Variants in HECW1 observed in about 807,000 individuals in gnomAD.
HECW1 encodes the protein HECT, C2 and WW domain containing E3 ubiquitin protein ligase 1.
HECW1 carries 61 observed loss-of-function variants against 182.3 expected under a neutral mutation model. The ratio of observed to expected loss-of-function variants is 0.33; its 90% CI spans 0.27 to 0.41. The LOEUF is 0.41. Among genes scored for constraint, HECW1 ranks in the 10% least tolerant of loss-of-function variants. The pLI is 1.00. For synonymous variants in HECW1, 859 were observed against 832.6 expected, an observed-to-expected ratio of 1.03 and a Z score of -0.55; for missense variants, 1,739 against 2,108.9, an observed-to-expected ratio of 0.82 and a Z score of 3.44.
intron 4 of HECW1, 42 bp downstream of exon 4, chr7:43,312,129 T>C: frequency 6.7e-7 from 1 of 1,495,584 alleles, no homozygotes; most frequent in Non-Finnish European, 9.3e-7. Context: ...AATTCACTTT[T>C]ACATATGCTG....
At chr7:43,141,142 C>T (rs1325890951) in intron 2 of HECW1, among the ~76,000 whole-genome samples, 2 of 152,166 alleles carry the variant, frequency 1.3e-5, no homozygotes, top group African/African-American at 4.8e-5. Context: ...GTCTGGTCTG[C>T]CAGCACTGCG....
chr7:43,144,521 C>T (rs1009752744), intron 2 of HECW1, among the ~76,000 whole-genome samples: 1 of 152,162 alleles, frequency 6.6e-6, no homozygotes, highest in Admixed American at 6.5e-5. Flanking sequence ...TTAGTTTACT[C>T]ACTTATTTTT....
intron 2 of HECW1, among the ~76,000 whole-genome samples, chr7:43,166,661 G>C (rs1287015896): frequency 6.6e-6 from 1 of 152,178 alleles, no homozygotes; most frequent in Non-Finnish European, 1.5e-5. Flanking sequence ...TTTTATTGAT[G>C]ATTATAGATG....
chr7:43,505,189 CT>C (rs2079527045), intron 21 of HECW1, among the ~76,000 whole-genome samples: 2 of 152,300 alleles, frequency 1.3e-5, no homozygotes, highest in South Asian at 4.1e-4. Flanking sequence ...AGTTCATGCT[CT>C]TCCCCCACAA....
At chr7:43,155,467 A>G (rs900073494) in intron 2 of HECW1, among the ~76,000 whole-genome samples, 1 of 152,234 alleles carries the variant, frequency 6.6e-6, no homozygotes, top group Non-Finnish European at 1.5e-5. Context: ...AAGTAAACAA[A>G]GGAAAACAAA....
At chr7:43,438,356 ACTG>A (rs1347598832) in intron 9 of HECW1, 4 of 428,282 alleles carry the variant, frequency 9.3e-6, no homozygotes, top group African/African-American at 8.1e-5. Context: ...GATGTGTAAC[ACTG>A]GTTACTTACC....
intron 8 of HECW1, among the ~76,000 whole-genome samples, chr7:43,421,823 T>G (rs1367047919): frequency 6.6e-6 from 1 of 152,132 alleles, no homozygotes; most frequent in African/African-American, 2.4e-5. Context: ...ACTCTCCAAC[T>G]CTGCTGATAG....
intron 13 of HECW1, among the ~76,000 whole-genome samples, chr7:43,460,591 G>A (rs1205696127): frequency 6.6e-6 from 1 of 151,978 alleles, no homozygotes; most frequent in Non-Finnish European, 1.5e-5. Flanking sequence ...TACAAATTAT[G>A]TATTTCAGCT....
At position 43,554,596 on chromosome 7, in the gene HECW1, C is replaced by T. The variant is rs113348394; in HGVS notation, c.4515C>T (p.Tyr1505=). ...CCCTCCCTTTGCCTCGTGCAGGTTA[C>T]CACGATGGGCATCTTGTGATCCGCT... ...WRNNTEYRGG[Y]HDGHLVIRWF... Residue 1505 remains tyrosine, a synonymous_variant, in exon 29 of 30, where the codon TAC becomes TAT. Coordinates refer to ENST00000395891, the MANE Select transcript of HECW1 (RefSeq NM_015052.5). 1,447 of 1,612,042 alleles carry T rather than the reference C, an allele frequency of 9.0e-4. 15 individuals are homozygous for T. In the African/African-American group the frequency reaches 0.017, roughly 19 times the overall value.
intron 3 of HECW1, among the ~76,000 whole-genome samples, chr7:43,254,008 G>A (rs1262288650): frequency 6.6e-6 from 1 of 152,172 alleles, no homozygotes; most frequent in East Asian, 1.9e-4. Context: ...GCTTAAAGCT[G>A]CCCACTGTGC....
intron 29 of HECW1, among the ~76,000 whole-genome samples, chr7:43,560,440 G>C (rs2152966033): frequency 6.6e-6 from 1 of 152,282 alleles, no homozygotes; most frequent in South Asian, 2.1e-4. Flanking sequence ...TTTGGAGCTT[G>C]AGCGGGGAAA....
Position 43,112,812 on chromosome 7 carries a change from G to C in HECW1, c.-392G>C, listed in dbSNP as rs575589319. 1.3e-5 allele frequency: 3 copies of C among 228,840 alleles called. No homozygotes were observed. Among genetic ancestry groups the C allele is most frequent in the South Asian group, 3.6e-4 (2 of 5,486 alleles). The allele number at this position is 228,840 out of a possible 1,614,324, so 14.2% of individuals were successfully genotyped here. On this transcript the variant is annotated 5_prime_UTR_variant, in exon 1 of 30. Transcript: ENST00000395891. ...CAGCCAGAGCGCAGCGAGAGCGGGCGGTCGCCAGGGTCCCCTCCCCAGCCA... is the reference window on the plus strand; with the variant it reads ...CAGCCAGAGCGCAGCGAGAGCGGGCCGTCGCCAGGGTCCCCTCCCCAGCCA...
intron 12 of HECW1, among the ~76,000 whole-genome samples, chr7:43,451,401 C>T (rs893557610): frequency 9.2e-5 from 14 of 152,176 alleles, no homozygotes; most frequent in African/African-American, 3.1e-4. Flanking sequence ...TAACTTCCAT[C>T]CATAGGGAAT....
At chr7:43,193,012 G>A (rs1299267867) in intron 2 of HECW1, among the ~76,000 whole-genome samples, 1 of 152,198 alleles carries the variant, frequency 6.6e-6, no homozygotes, top group Non-Finnish European at 1.5e-5. Flanking sequence ...CTAAATGATG[G>A]TTGCATTATT....
intron 3 of HECW1, among the ~76,000 whole-genome samples, chr7:43,250,402 G>T (rs1252997456): frequency 6.6e-6 from 1 of 152,120 alleles, no homozygotes; most frequent in Admixed American, 6.5e-5. Flanking sequence ...CTGTGTACCA[G>T]ATATAGTCAA....
rs200717791 is a variant in HECW1, at chr7:43,336,172, C to T, written c.460+15430C>T. ...TCTCTCTCTCTCTCTCTCTCTCTCT[C>T]TCTCTCTCTCTCTCTCTCTCTCTCT... On this transcript the variant is annotated intron_variant, in intron 5 of 29. Transcript: ENST00000395891. 4.4e-4 allele frequency among the ~76,000 whole-genome samples: 57 copies of T among 128,410 alleles called. 3 individuals carry two copies. Among genetic ancestry groups the T allele is most frequent in the African/African-American group, 1.4e-3 (47 of 32,498 alleles). The allele number at this position is 128,410 out of a possible 152,430, so 84.2% of individuals were successfully genotyped here.
intron 17 of HECW1, among the ~76,000 whole-genome samples, chr7:43,488,420 G>GAAAA: frequency 1.6e-5 from 1 of 63,412 alleles, no homozygotes; most frequent in African/African-American, 4.7e-5. Context: ...AAGAGAGAGA[G>GAAAA]AGAAAGAAAG....
chr7:43,199,917 A>G (rs761099383), intron 2 of HECW1, among the ~76,000 whole-genome samples: 13 of 152,120 alleles, frequency 8.5e-5, no homozygotes, highest in Admixed American at 2.6e-4. Context: ...ACTGAGGGCA[A>G]TTTTAAGATT....
chr7:43,485,705 T>TA (rs546971188), intron 17 of HECW1, among the ~76,000 whole-genome samples: 134 of 152,214 alleles, frequency 8.8e-4, no homozygotes, highest in Middle Eastern at 3.4e-3. Context: ...ATAAAAGATT[T>TA]AAAAAATAGT....
Sources: gnomAD v4.1 joint callset for allele counts (sites outside exome capture counted in the v4.1 genomes callset) on GRCh38, gnomAD v4.1.1 for gene constraint, MANE v1.5 for transcripts, NCBI Gene and HGNC (gene_info 2026-07-23, HGNC 2026-07-21) for gene names.